The following PATL2 variants were observed in gnomAD, a reference collection of about 807,000 sequenced individuals.
The protein encoded by PATL2 is PAT1 homolog 2, also known as protein PAT1 homolog 2.
In PATL2, 73 loss-of-function variants were observed where a neutral mutation model predicts 77.0. The ratio of observed to expected loss-of-function variants is 0.95; its 90% CI spans 0.78 to 1.15. The LOEUF is 1.15. Among genes scored for constraint, PATL2 ranks in the 50% most tolerant of loss-of-function variants. PATL2 has a pLI of 0.00. For missense variants in PATL2, 618 were observed against 655.4 expected (o/e 0.94, Z 0.62); for synonymous variants, 265 against 257.1 (o/e 1.03, Z -0.29).
chr15:44,679,682 G>A (rs1321036292), intron 3 of PATL2, among the ~76,000 whole-genome samples: 1 of 151,296 alleles, frequency 6.6e-6, no homozygotes, highest in Admixed American at 6.6e-5. Flanking sequence ...GTGAGCCACT[G>A]CGTCCGGCCC....
intron 3 of PATL2, among the ~76,000 whole-genome samples, chr15:44,687,222 T>C (rs1385484974): frequency 9.9e-5 from 15 of 152,174 alleles, no homozygotes. Flanking sequence ...TCAAGTCAGC[T>C]TCATCCCTGG....
chr15:44,684,023 A>G (rs1349723413), intron 3 of PATL2, among the ~76,000 whole-genome samples: 19 of 152,066 alleles, frequency 1.2e-4, no homozygotes, highest in Admixed American at 1.2e-3. Flanking sequence ...TAGAAGGAAA[A>G]CTAACAAACA....
chr15:44,669,620 C>T, intron 11 of PATL2, 57 bp from the exon 12 acceptor site: 5 of 1,533,588 alleles, frequency 3.3e-6, no homozygotes, highest in East Asian at 2.5e-5. Flanking sequence ...AGCCCTAGCC[C>T]AGGCCCCCAA....
intron 8 of PATL2, 30 bp downstream of exon 8, chr15:44,672,358 C>T: frequency 6.5e-7 from 1 of 1,549,884 alleles, no homozygotes; most frequent in Non-Finnish European, 8.7e-7. Flanking sequence ...AATGGGCTCC[C>T]CTCAACCCTG....
chr15:44,669,244 C>T (rs2085539937), intron 13 of PATL2, 36 bp downstream of exon 13: 1 of 1,536,202 alleles, frequency 6.5e-7, no homozygotes. Flanking sequence ...CTGCTCCTTC[C>T]CTTCCTGGGC....
intron 7 of PATL2, among the ~76,000 whole-genome samples, chr15:44,672,852 T>C (rs1233212858): frequency 2.0e-5 from 3 of 152,194 alleles, no homozygotes; most frequent in Non-Finnish European, 4.4e-5. Flanking sequence ...CTCTGGCTCC[T>C]GGGTTCAAGT....
At chr15:44,705,505 G>T (rs1306423344) in intron 3 of PATL2, among the ~76,000 whole-genome samples, 1 of 151,958 alleles carries the variant, frequency 6.6e-6, no homozygotes, top group Non-Finnish European at 1.5e-5. Flanking sequence ...TAAATTTGCC[G>T]TTTTGAGGCT....
At chr15:44,696,772 C>G (rs941678828) in intron 3 of PATL2, among the ~76,000 whole-genome samples, 1 of 152,004 alleles carries the variant, frequency 6.6e-6, no homozygotes, top group African/African-American at 2.4e-5. Context: ...GGGCCTGTTG[C>G]CCATTATGTA....
chr15:44,691,879 G>A (rs1272716347), intron 3 of PATL2, among the ~76,000 whole-genome samples: 1 of 151,760 alleles, frequency 6.6e-6, no homozygotes, highest in East Asian at 1.9e-4. Context: ...AAGAGTGTGG[G>A]GAGATAAATA....
Position 44,672,472 on chromosome 15 carries a change from G to A in PATL2, c.447-16C>T. ...GGTCAGATGACTGGGAAGACAAGAA[G>A]TAACGAGCTGGGTGGAAGGAAGCTC... On this transcript the variant is annotated splice_polypyrimidine_tract_variant and intron_variant, in intron 7 of 17. Coordinates refer to ENST00000682850, the MANE Select transcript of PATL2 (RefSeq NM_001387263.1). 1 of 1,549,730 alleles carries A rather than the reference G, an allele frequency of 6.5e-7. No individual in the cohort carries two copies. The highest frequency in any genetic ancestry group is 8.7e-7 in the Non-Finnish European group (1 of 1,145,240).
Position 44,673,381 on chromosome 15 carries a change from A to C in PATL2, c.304-4T>G, listed in dbSNP as rs1238597420. On this transcript the variant is annotated splice_region_variant and splice_polypyrimidine_tract_variant and intron_variant, in intron 6 of 17. Transcript: ENST00000682850. ...TGGGCGACAGGTAGTCCAAGGTCTG[A>C]GAGAGGAATTAAGAGGTCTGGGAGA... 1.3e-6 allele frequency: 2 copies of C among 1,551,648 alleles called. No individual in the cohort carries two copies. Among genetic ancestry groups the C allele is most frequent in the Non-Finnish European group, 1.7e-6 (2 of 1,146,944 alleles).
chr15:44,673,223 T>A lies in PATL2; in HGVS notation c.446+12A>T. The A allele has an allele frequency of 6.4e-7, 1 of 1,550,824 alleles. No homozygotes were observed. Among genetic ancestry groups the A allele is most frequent in the Non-Finnish European group, 8.7e-7 (1 of 1,146,818 alleles). On this transcript the variant is annotated intron_variant, in intron 7 of 17. Coordinates refer to ENST00000682850, the MANE Select transcript of PATL2 (RefSeq NM_001387263.1). ...CCTCCTGAGACCTCTGGGGAGAACC[T>A]CAAACCAGTACCTGAACCTAGGGGG...
chr15:44,691,612 C>T lies in PATL2; in HGVS notation c.-75-15047G>A, dbSNP rs867788557. Among the ~76,000 whole-genome samples, 49 of 150,640 alleles carry T rather than the reference C, an allele frequency of 3.3e-4. No individual in the cohort carries two copies. In the South Asian group the frequency reaches 5.5e-3, roughly 17 times the overall value. ...GGTGGAGGTTGCAGTGAGTTGAGATCACAGCACCACTGCACTCCAGCCTGA... is the reference window on the plus strand; with the variant it reads ...GGTGGAGGTTGCAGTGAGTTGAGATTACAGCACCACTGCACTCCAGCCTGA... On this transcript the variant is annotated intron_variant, in intron 3 of 17. Transcript: ENST00000682850.
chr15:44,670,144 A>T, intron 9 of PATL2, 57 bp from the exon 10 acceptor site: 2 of 1,532,730 alleles, frequency 1.3e-6, no homozygotes, highest in Non-Finnish European at 8.8e-7. Flanking sequence ...TCATCTTTTG[A>T]ATTTAGAATT....
chr15:44,667,447 T>TA (rs2085435293), intron 15 of PATL2, among the ~76,000 whole-genome samples: 1 of 152,202 alleles, frequency 6.6e-6, no homozygotes, highest in Admixed American at 6.5e-5. Context: ...TGCATACTTC[T>TA]AGGCTTAACT....
intron 3 of PATL2, among the ~76,000 whole-genome samples, chr15:44,680,916 C>T (rs1002347389): frequency 1.3e-5 from 2 of 152,244 alleles, no homozygotes; most frequent in Non-Finnish European, 2.9e-5. Context: ...CCTACCCTTA[C>T]TTCCACCTAG....
At position 44,676,865 on chromosome 15, in the gene PATL2, C is replaced by T. The variant is rs2085985370; in HGVS notation, c.-75-300G>A. The T allele has an allele frequency of 8.2e-6, 9 of 1,101,334 alleles. No homozygotes were observed. The South Asian group carries it at 2.2e-4, about 27-fold the overall frequency. 68.2% of individuals were successfully genotyped at this position (1,101,334 alleles called of 1,614,324 possible). A position where few individuals can be genotyped will look rare whatever the true frequency, so the allele number is the denominator to read the frequency against. The stretch of plus-strand genomic sequence containing the variant: ...GGTGATGCCTTGCTGCCGACACCCA[C>T]CACCTGACTGTTGCTGTCCTTTCTG... On this transcript the variant is annotated intron_variant, in intron 3 of 17. Transcript: ENST00000682850.
intron 2 of PATL2, among the ~76,000 whole-genome samples, chr15:44,710,571 G>A (rs1164220664): frequency 1.3e-5 from 2 of 152,236 alleles, no homozygotes; most frequent in Admixed American, 1.3e-4. Flanking sequence ...TCAGGCCAGA[G>A]TTTGAATTCT....
chr15:44,694,965 C>A (rs1324433193), intron 3 of PATL2, among the ~76,000 whole-genome samples: 1 of 152,068 alleles, frequency 6.6e-6, no homozygotes, highest in Admixed American at 6.6e-5. Flanking sequence ...TCGTCCACCA[C>A]CCCCTAAAAG....
Sources: gnomAD v4.1 joint callset for allele counts (sites outside exome capture counted in the v4.1 genomes callset) on GRCh38, gnomAD v4.1.1 for gene constraint, MANE v1.5 for transcripts, NCBI Gene and HGNC (gene_info 2026-07-23, HGNC 2026-07-21) for gene names.